DLG5: variants seen among roughly 807,000 people sequenced by gnomAD.
DLG5 encodes the protein discs large MAGUK scaffold protein 5.
In DLG5, 48 loss-of-function variants were observed where a neutral mutation model predicts 189.8. The observed-to-expected ratio is 0.25, with a 90% CI of 0.20 to 0.32. DLG5 has a LOEUF of 0.32. DLG5 is among the 10% of genes least tolerant of loss of function. DLG5 has a pLI of 1.00. For synonymous variants in DLG5, 1,016 were observed against 1,054.1 expected, an observed-to-expected ratio of 0.96 and a Z score of 0.70; for missense variants, 2,160 against 2,544.7, an observed-to-expected ratio of 0.85 and a Z score of 3.25.
chr10:77,925,790 G>A (rs1846668243), intron 1 of DLG5, among the ~76,000 whole-genome samples: 1 of 152,128 alleles, frequency 6.6e-6, no homozygotes, highest in African/African-American at 2.4e-5. Context: ...GGATGGCAGC[G>A]ACCAAAACTT....
rs752396728 is a variant in DLG5 at position 77,812,010 on chromosome 10, G to A, written c.4236C>T (p.Leu1412=). 2.5e-6 allele frequency: 4 copies of A among 1,611,334 alleles called. No individual in the cohort carries two copies. Among genetic ancestry groups the A allele is most frequent in the Non-Finnish European group, 1.7e-6 (2 of 1,180,018 alleles). The change falls in exon 22 of 32, where the codon CTC becomes CTT. Residue 1412 remains leucine, a synonymous_variant. Coordinates refer to ENST00000372391, the MANE Select transcript of DLG5 (RefSeq NM_004747.4). The part of the protein sequence containing the change: ...LRSATEQQAR[L]IIGQQCDTIT... ...TGGTATCACACTGCTGCCCGATGAT[G>A]AGCCGCGCCTGCTGCTCCGTGGCGC... is the stretch of plus-strand genomic sequence containing the variant.
chr10:77,817,219 A>G, intron 18 of DLG5, 123 bp from the exon 19 acceptor site: 1 of 879,608 alleles, frequency 1.1e-6, no homozygotes, highest in Non-Finnish European at 1.9e-6. Context: ...TTTATTCCCA[A>G]GGGAGCCTTG....
intron 7 of DLG5, among the ~76,000 whole-genome samples, chr10:77,836,626 C>T (rs761148289): frequency 3.3e-5 from 5 of 152,086 alleles, no homozygotes; most frequent in South Asian, 2.1e-4. Context: ...AGATCTCAGA[C>T]GTAGAAAACA....
chr10:77,850,828 CT>C (rs1416185309), intron 5 of DLG5, among the ~76,000 whole-genome samples: 9 of 152,252 alleles, frequency 5.9e-5, no homozygotes, highest in Non-Finnish European at 1.2e-4. Flanking sequence ...TTCTCCTACA[CT>C]GAGATGTGCC....
At chr10:77,798,342 T>C (rs1188673383) in intron 27 of DLG5, among the ~76,000 whole-genome samples, 1 of 152,160 alleles carries the variant, frequency 6.6e-6, no homozygotes, top group Non-Finnish European at 1.5e-5. Flanking sequence ...CCCCATGTGG[T>C]CCCGAGTGAA....
At chr10:77,810,660 T>C in intron 23 of DLG5, among the ~76,000 whole-genome samples, 1 of 152,212 alleles carries the variant, frequency 6.6e-6, no homozygotes, top group Non-Finnish European at 1.5e-5. Flanking sequence ...CCAGTGATCT[T>C]CCTGCCTGCT....
rs570979938 is a variant in DLG5, at chr10:77,795,418, A to G, written c.5437-460T>C. Among the ~76,000 whole-genome samples the G allele has an allele frequency of 2.0e-5, 3 of 152,234 alleles. No individual in the cohort carries two copies. In the South Asian group the frequency reaches 6.2e-4, roughly 32 times the overall value. ...TGCACTCCCGACCCCCAGATGCTCCACTGGGGCATTCCCCCAAGTAGAGTT... is the reference window on the plus strand; with the variant it reads ...TGCACTCCCGACCCCCAGATGCTCCGCTGGGGCATTCCCCCAAGTAGAGTT... On this transcript the variant is annotated intron_variant, in intron 29 of 31. Transcript: ENST00000372391.
chr10:77,867,136 C>G, intron 2 of DLG5: 1 of 452,216 alleles, frequency 2.2e-6, no homozygotes, highest in Non-Finnish European at 4.5e-6. Context: ...TGGTGGGTCA[C>G]GGCCATGACG....
intron 9 of DLG5, among the ~76,000 whole-genome samples, chr10:77,831,217 C>T (rs12242989): frequency 0.049 from 7,469 of 152,038 alleles, 607 homozygotes; most frequent in African/African-American, 0.17. Flanking sequence ...CCAGCCTGAC[C>T]GACATGGTGA....
intron 1 of DLG5, among the ~76,000 whole-genome samples, chr10:77,880,831 G>T (rs537084812): frequency 6.6e-6 from 1 of 152,094 alleles, no homozygotes; most frequent in East Asian, 1.9e-4. Flanking sequence ...CCTACAAGGT[G>T]GGCCACTATC....
intron 5 of DLG5, among the ~76,000 whole-genome samples, chr10:77,849,863 A>G (rs1016987814): frequency 6.6e-6 from 1 of 152,212 alleles, no homozygotes; most frequent in Non-Finnish European, 1.5e-5. Context: ...CTTCTAAAAA[A>G]ATAATATTTT....
chr10:77,806,722 C>CT (rs2154575132), intron 26 of DLG5, 36 bp downstream of exon 26: 1 of 1,410,610 alleles, frequency 7.1e-7, no homozygotes, highest in Non-Finnish European at 1.0e-6. Context: ...TCGGCGACCC[C>CT]TGCCCCACCC....
At chr10:77,919,119 G>A (rs1392544975) in intron 1 of DLG5, among the ~76,000 whole-genome samples, 2 of 152,044 alleles carry the variant, frequency 1.3e-5, no homozygotes, top group Non-Finnish European at 2.9e-5. Context: ...GGAAGGCTGA[G>A]ACAAGAGAAT....
intron 2 of DLG5, among the ~76,000 whole-genome samples, chr10:77,857,400 C>T (rs1844287328): frequency 6.6e-6 from 1 of 152,244 alleles, no homozygotes; most frequent in Non-Finnish European, 1.5e-5. Context: ...CCCCGCCCTC[C>T]TCGACCAGGG....
intron 20 of DLG5, among the ~76,000 whole-genome samples, chr10:77,815,640 G>C (rs528496514): frequency 3.9e-5 from 6 of 152,188 alleles, no homozygotes; most frequent in Admixed American, 1.3e-4. Context: ...CAGCCTGGGC[G>C]AAAAGAGCAA....
intron 1 of DLG5, among the ~76,000 whole-genome samples, chr10:77,898,929 T>C (rs1438566562): frequency 6.6e-6 from 1 of 152,294 alleles, no homozygotes; most frequent in South Asian, 2.1e-4. Flanking sequence ...GCAAAGAGGT[T>C]TGCAGCCCAG....
intron 13 of DLG5, among the ~76,000 whole-genome samples, chr10:77,825,669 T>C (rs1194569072): frequency 6.6e-6 from 1 of 151,900 alleles, no homozygotes; most frequent in African/African-American, 2.4e-5. Context: ...AATTCTCCTA[T>C]CTCAGTCTCC....
Position 77,822,099 on chromosome 10 carries a change from T to A in DLG5, c.2385A>T (p.Val795=), listed in dbSNP as rs759541766. ...QDSLTLSLLK[V]FPQSSSWSGQ... is the part of the protein sequence containing the mutation. ...CACTCCACGAGGAGCTCTGAGGGAATACCTAGGCAGGGATTGCAGAGGAGT... is the reference window on the plus strand; with the variant it reads ...CACTCCACGAGGAGCTCTGAGGGAAAACCTAGGCAGGGATTGCAGAGGAGT... The change falls in exon 15 of 32, where the codon GTA becomes GTT. Residue 795 remains valine, a splice_region_variant and synonymous_variant. Transcript: ENST00000372391. 5 of 1,610,554 alleles carry A rather than the reference T, an allele frequency of 3.1e-6. No individual in the cohort carries two copies. In the African/African-American group the frequency reaches 6.7e-5, roughly 22 times the overall value.
rs539392653 is a variant in DLG5 at position 77,912,015 on chromosome 10, A to G, written c.304+14202T>C. Among the ~76,000 whole-genome samples, 16 of 151,170 alleles carry G rather than the reference A, an allele frequency of 1.1e-4. No homozygotes were observed. In the South Asian group the frequency reaches 3.4e-3, roughly 32 times the overall value. ...GGAGTTCAAGACCAGCCTGGGCAACACAGCGAGACCCCATCTCTATGAATT... is the reference window on the plus strand; with the variant it reads ...GGAGTTCAAGACCAGCCTGGGCAACGCAGCGAGACCCCATCTCTATGAATT... On this transcript the variant is annotated intron_variant, in intron 1 of 31. Coordinates refer to ENST00000372391, the MANE Select transcript of DLG5 (RefSeq NM_004747.4).
Sources: gnomAD v4.1 joint callset for allele counts (sites outside exome capture counted in the v4.1 genomes callset) on GRCh38, gnomAD v4.1.1 for gene constraint, MANE v1.5 for transcripts, NCBI Gene and HGNC (gene_info 2026-07-23, HGNC 2026-07-21) for gene names.